LRP5: variants seen among roughly 807,000 people sequenced by gnomAD.
The protein encoded by LRP5 is LDL receptor related protein 5.
In LRP5, 62 loss-of-function variants were observed where a neutral mutation model predicts 154.1. That is an observed-to-expected ratio of 0.40 (90% CI 0.33 to 0.50). LRP5 has a LOEUF of 0.50. Ranked by LOEUF, LRP5 falls within the 20% of genes least tolerant of loss-of-function variation. The pLI is 0.55. For missense variants in LRP5, 1,915 were observed against 2,336.7 expected, an observed-to-expected ratio of 0.82 and a Z score of 3.72; for synonymous variants, 966 against 1,011.5, an observed-to-expected ratio of 0.96 and a Z score of 0.85.
rs1447852476 is a variant in LRP5 at position 68,445,550 on chromosome 11, G to A, written c.4489-886G>A. On this transcript the variant is annotated intron_variant, in intron 21 of 22. Coordinates refer to ENST00000294304, the MANE Select transcript of LRP5 (RefSeq NM_002335.4). ...CTGAGTCCCTCGGGCATAACTGACAGTTCTGTTCCCATTATTCCGCAGGGG... is the reference window on the plus strand; with the variant it reads ...CTGAGTCCCTCGGGCATAACTGACAATTCTGTTCCCATTATTCCGCAGGGG... 9 of 1,282,894 alleles carry A rather than the reference G, an allele frequency of 7.0e-6. No individual in the cohort carries two copies. The East Asian group carries it at 3.5e-4, about 49-fold the overall frequency. 79.5% of individuals were successfully genotyped at this position (1,282,894 alleles called of 1,614,324 possible).
At chr11:68,324,090 G>A (rs369922814) in intron 1 of LRP5, among the ~76,000 whole-genome samples, 12 of 152,280 alleles carry the variant, frequency 7.9e-5, no homozygotes, top group South Asian at 4.1e-4. Flanking sequence ...CTTTGGTGCC[G>A]TCCGCTGCGT....
chr11:68,348,117 A>G lies in LRP5; in HGVS notation c.362A>G (p.Lys121Arg). 6.2e-7 allele frequency: 1 copy of G among 1,614,128 alleles called. No individual in the cohort carries two copies. The highest frequency in any genetic ancestry group is 8.5e-7 in the Non-Finnish European group (1 of 1,180,036). ...DGLACDWVGK[K>R]LYWTDSETNR... The stretch of plus-strand genomic sequence containing the variant: ...CTCGCCTGCGACTGGGTGGGCAAGA[A>G]GCTGTACTGGACGGACTCAGAGACC... Residue 121 changes from lysine to arginine, a missense_variant, in exon 2 of 23, where the codon AAG becomes AGG. Transcript: ENST00000294304.
At chr11:68,404,995 C>CAAAAAAAAAAAAAAAGTA in intron 8 of LRP5, among the ~76,000 whole-genome samples, 1 of 145,220 alleles carries the variant, frequency 6.9e-6, no homozygotes, top group African/African-American at 2.5e-5. Flanking sequence ...AAAAAAAAGT[C>CAAAAAAAAAAAAAAAGTA]CAAAAAAAAA....
intron 9 of LRP5, among the ~76,000 whole-genome samples, chr11:68,409,073 A>AATATATATAT (rs1174773377): frequency 4.8e-4 from 21 of 44,168 alleles, no homozygotes; most frequent in Non-Finnish European, 6.3e-4. Context: ...AAAAAAAAAA[A>AATATATATAT]ATATATATAT....
rs545092996 is a variant in LRP5 at position 68,329,991 on chromosome 11, C to T, written c.91+17186C>T. Among the ~76,000 whole-genome samples, 3 of 152,292 alleles carry T rather than the reference C, an allele frequency of 2.0e-5. No individual in the cohort carries two copies. The South Asian group carries it at 6.2e-4, about 32-fold the overall frequency. ...AAATACATATTTTTCTCTGCTCTGC[C>T]CTAAACCTTCTAATTAGTGAAAACG... On this transcript the variant is annotated intron_variant, in intron 1 of 22. Coordinates refer to ENST00000294304, the MANE Select transcript of LRP5 (RefSeq NM_002335.4).
intron 2 of LRP5, among the ~76,000 whole-genome samples, chr11:68,350,093 A>G (rs1591207907): frequency 6.6e-6 from 1 of 152,072 alleles, no homozygotes; most frequent in African/African-American, 2.4e-5. Flanking sequence ...TCTTTGCGCA[A>G]TGGCACGATC....
At chr11:68,381,103 G>A (rs752030994) in intron 5 of LRP5, among the ~76,000 whole-genome samples, 1 of 152,212 alleles carries the variant, frequency 6.6e-6, no homozygotes, top group Non-Finnish European at 1.5e-5. Context: ...GCTGCATGGA[G>A]TCAGAACAGG....
At chr11:68,425,393 C>T in intron 15 of LRP5, 101 bp downstream of exon 15, 8 of 1,239,796 alleles carry the variant, frequency 6.5e-6, no homozygotes, top group Non-Finnish European at 7.9e-6. Flanking sequence ...GAGCCCAGTG[C>T]CGCGCCAGGG....
At chr11:68,382,175 C>G (rs114261922) in intron 5 of LRP5, among the ~76,000 whole-genome samples, 3,948 of 152,322 alleles carry the variant, frequency 0.026, 186 homozygotes, top group African/African-American at 0.091. Flanking sequence ...TTCACCCCAG[C>G]AGTGAAAGGA....
chr11:68,409,119 CAT>C (rs1374912443), intron 9 of LRP5, among the ~76,000 whole-genome samples: 4 of 115,414 alleles, frequency 3.5e-5, no homozygotes, highest in African/African-American at 1.5e-4. Flanking sequence ...CGCACACACA[CAT>C]AATATAAAAA....
intron 9 of LRP5, among the ~76,000 whole-genome samples, chr11:68,408,242 A>ATTTTTTT (rs11299690): frequency 1.9e-5 from 1 of 52,110 alleles, no homozygotes; most frequent in African/African-American, 7.1e-5. Flanking sequence ...CTCCTGGCTG[A>ATTTTTTT]TTTTTTTTTT....
At chr11:68,313,991 C>T (rs1014638592) in intron 1 of LRP5, among the ~76,000 whole-genome samples, 1 of 152,172 alleles carries the variant, frequency 6.6e-6, no homozygotes, top group Admixed American at 6.5e-5. Flanking sequence ...TGACCCAAGC[C>T]TAGAGATTCT....
chr11:68,355,244 CCT>C (rs2098622230), intron 2 of LRP5, among the ~76,000 whole-genome samples: 1 of 152,166 alleles, frequency 6.6e-6, no homozygotes, highest in South Asian at 2.1e-4. Context: ...GCTTGTTCTC[CCT>C]GTGTCCCGGG....
chr11:68,409,249 T>C (rs1189461993), intron 9 of LRP5, among the ~76,000 whole-genome samples: 1 of 140,540 alleles, frequency 7.1e-6, no homozygotes, highest in African/African-American at 2.6e-5. Flanking sequence ...TTATATAATA[T>C]ATAATAAAAT....
rs1243964331 is a variant in LRP5 at position 68,354,340 on chromosome 11, C to G, written c.489-3310C>G. On this transcript the variant is annotated intron_variant, in intron 2 of 22. Transcript: ENST00000294304. The stretch of plus-strand genomic sequence containing the variant: ...TTCCCCATTTAAGGAAACCAGCAGG[C>G]CTCTGTTATGAAACTCGGGGAAGGA... Among the ~76,000 whole-genome samples the G allele has an allele frequency of 3.9e-5, 6 of 152,336 alleles. No individual in the cohort carries two copies. The East Asian group carries it at 1.2e-3, about 29-fold the overall frequency.
chr11:68,439,500 G>A (rs1012754362), intron 20 of LRP5, among the ~76,000 whole-genome samples: 2 of 152,204 alleles, frequency 1.3e-5, no homozygotes, highest in Non-Finnish European at 2.9e-5. Context: ...TGTTCCTGGC[G>A]TGCTCTGTGC....
At chr11:68,357,515 A>G (rs2098624092) in intron 2 of LRP5, 135 bp from the exon 3 acceptor site, 1 of 813,008 alleles carries the variant, frequency 1.2e-6, no homozygotes. Context: ...ACCTGAAACC[A>G]TACCTGTTGG....
intron 1 of LRP5, among the ~76,000 whole-genome samples, chr11:68,322,131 G>A (rs547793623): frequency 9.8e-5 from 15 of 152,336 alleles, no homozygotes; most frequent in Admixed American, 6.5e-4. Context: ...GGATCCGGGC[G>A]TGGCCGTGCT....
chr11:68,441,902 A>G (rs2098678388), intron 21 of LRP5, among the ~76,000 whole-genome samples: 1 of 152,252 alleles, frequency 6.6e-6, no homozygotes, highest in Non-Finnish European at 1.5e-5. Context: ...TTTTTAAATT[A>G]GCAAAGTTAT....
Sources: gnomAD v4.1 joint callset for allele counts (sites outside exome capture counted in the v4.1 genomes callset) on GRCh38, gnomAD v4.1.1 for gene constraint, MANE v1.5 for transcripts, NCBI Gene and HGNC (gene_info 2026-07-23, HGNC 2026-07-21) for gene names.